The following ANKIB1 variants were observed in gnomAD, a reference collection of about 807,000 sequenced individuals.
The protein encoded by ANKIB1 is ankyrin repeat and IBR domain containing 1.
ANKIB1 carries 43 observed loss-of-function variants against 122.1 expected under a neutral mutation model. That is an observed-to-expected ratio of 0.35 (90% confidence interval 0.28 to 0.45). ANKIB1 has a LOEUF of 0.45. ANKIB1 is among the 20% of genes least tolerant of loss of function. The pLI, the probability that ANKIB1 is intolerant of heterozygous loss-of-function variation, is 1.00. For synonymous variants in ANKIB1, 390 were observed against 442.0 expected (o/e 0.88, Z 1.48); for missense variants, 992 against 1,329.5 (o/e 0.75, Z 3.95).
At chr7:92,330,455 G>A (rs922324695) in intron 5 of ANKIB1, among the ~76,000 whole-genome samples, 5 of 151,580 alleles carry the variant, frequency 3.3e-5, no homozygotes, top group African/African-American at 1.2e-4. Flanking sequence ...ATTTTTTATT[G>A]CCATGTTTAT....
At chr7:92,361,314 C>T (rs1028209800) in intron 9 of ANKIB1, among the ~76,000 whole-genome samples, 1 of 152,008 alleles carries the variant, frequency 6.6e-6, no homozygotes, top group Non-Finnish European at 1.5e-5. Context: ...TTCCCAAATT[C>T]CAATAAAAGT....
intron 10 of ANKIB1, among the ~76,000 whole-genome samples, chr7:92,370,039 G>A (rs768068430): frequency 6.6e-6 from 1 of 152,170 alleles, no homozygotes; most frequent in East Asian, 1.9e-4. Context: ...GGGATGGAGG[G>A]TGAGAGGAGC....
intron 1 of ANKIB1, among the ~76,000 whole-genome samples, chr7:92,260,150 G>C (rs1315965018): frequency 1.3e-5 from 2 of 152,010 alleles, no homozygotes; most frequent in Non-Finnish European, 2.9e-5. Flanking sequence ...AAAAGGTAGT[G>C]ATTTACAGTG....
chr7:92,246,970 T>A (rs1411605262), intron 1 of ANKIB1, among the ~76,000 whole-genome samples: 1 of 152,200 alleles, frequency 6.6e-6, no homozygotes, highest in Non-Finnish European at 1.5e-5. Context: ...AGTGAACCTT[T>A]ATTTTTGCAG....
chr7:92,321,465 T>G (rs890691285), intron 4 of ANKIB1, among the ~76,000 whole-genome samples: 1 of 152,196 alleles, frequency 6.6e-6, no homozygotes, highest in Non-Finnish European at 1.5e-5. Flanking sequence ...TCTCTCCTAT[T>G]AGACTGTCAA....
chr7:92,361,967 G>T (rs1585126082), intron 9 of ANKIB1, among the ~76,000 whole-genome samples: 1 of 151,964 alleles, frequency 6.6e-6, no homozygotes, highest in African/African-American at 2.4e-5. Context: ...GTGCCACCAC[G>T]CCCGACTAAT....
chr7:92,306,333 G>A (rs1450963236), intron 2 of ANKIB1, among the ~76,000 whole-genome samples: 1 of 152,022 alleles, frequency 6.6e-6, no homozygotes, highest in South Asian at 2.1e-4. Flanking sequence ...TACTAATCCT[G>A]TGACTCATTT....
At chr7:92,311,476 CT>C (rs1222363943) in intron 3 of ANKIB1, among the ~76,000 whole-genome samples, 1 of 152,028 alleles carries the variant, frequency 6.6e-6, no homozygotes. Context: ...AAGAGATTAT[CT>C]TTTTTCCCAT....
chr7:92,392,430 CAG>C (rs1424519834), intron 17 of ANKIB1, 138 bp downstream of exon 17: 41 of 648,284 alleles, frequency 6.3e-5, no homozygotes, highest in Non-Finnish European at 9.1e-5. Flanking sequence ...AATGCCTTGA[CAG>C]AGCCTACATT....
intron 3 of ANKIB1, among the ~76,000 whole-genome samples, chr7:92,309,942 A>AAAAAAAAAAAAAAATATAT (rs1335765681): frequency 1.1e-5 from 1 of 91,818 alleles, no homozygotes; most frequent in South Asian, 3.8e-4. Context: ...AAAAAAAAAA[A>AAAAAAAAAAAAAAATATAT]ATATATATAT....
intron 10 of ANKIB1, among the ~76,000 whole-genome samples, chr7:92,364,865 C>T (rs73713704): frequency 0.011 from 1,746 of 152,086 alleles, 34 homozygotes; most frequent in African/African-American, 0.04. Flanking sequence ...TAGTTTGGGT[C>T]GGAGGGTAAA....
chr7:92,395,838 C>T (rs749284443), intron 17 of ANKIB1: 2 of 154,184 alleles, frequency 1.3e-5, no homozygotes, highest in Non-Finnish European at 2.9e-5. Context: ...AGCACCCACC[C>T]CTGGTCACGT....
chr7:92,284,690 T>G (rs1802081324), intron 1 of ANKIB1, among the ~76,000 whole-genome samples: 1 of 152,224 alleles, frequency 6.6e-6, no homozygotes, highest in African/African-American at 2.4e-5. Flanking sequence ...CCTTCTTTCT[T>G]TCTTTTCTTT....
At chr7:92,340,344 T>C (rs1217213029) in intron 5 of ANKIB1, among the ~76,000 whole-genome samples, 2 of 152,192 alleles carry the variant, frequency 1.3e-5, no homozygotes, top group African/African-American at 2.4e-5. Context: ...GCCACTGTAA[T>C]TCAGTCAGCA....
chr7:92,400,797 G>T lies in ANKIB1; in HGVS notation c.*1848G>T, dbSNP rs1353061459. The T allele has an allele frequency of 6.6e-6, 1 of 152,106 alleles. No individual in the cohort carries two copies. The highest frequency in any genetic ancestry group is 1.5e-5 in the Non-Finnish European group (1 of 68,010). 9.4% of individuals were successfully genotyped at this position (152,106 alleles called of 1,614,324 possible). ...TCAATCCCTATTAAATTAGTGGGGGGAATATTAACTTTATCTACAGTGTAT... is the reference window on the plus strand; with the variant it reads ...TCAATCCCTATTAAATTAGTGGGGGTAATATTAACTTTATCTACAGTGTAT... On this transcript the variant is annotated 3_prime_UTR_variant, in exon 20 of 20. Transcript: ENST00000265742.
chr7:92,270,579 A>T (rs1801764931), intron 1 of ANKIB1, among the ~76,000 whole-genome samples: 2 of 152,192 alleles, frequency 1.3e-5, no homozygotes, highest in Non-Finnish European at 2.9e-5. Context: ...GAATTTTAAC[A>T]CATGTATAGA....
At chr7:92,296,625 C>T (rs200170568) in intron 2 of ANKIB1, among the ~76,000 whole-genome samples, 5 of 152,238 alleles carry the variant, frequency 3.3e-5, no homozygotes, top group South Asian at 2.1e-4. Context: ...GTTTGCCTCA[C>T]GTATTTGCTA....
chr7:92,374,499 T>G (rs757503375), intron 11 of ANKIB1, among the ~76,000 whole-genome samples: 1 of 151,812 alleles, frequency 6.6e-6, no homozygotes, highest in East Asian at 1.9e-4. Flanking sequence ...AGAAAGAAAT[T>G]AATAGTAAAG....
chr7:92,292,473 T>A (rs1002899077), intron 1 of ANKIB1, among the ~76,000 whole-genome samples: 32 of 152,210 alleles, frequency 2.1e-4, no homozygotes, highest in African/African-American at 7.5e-4. Flanking sequence ...ATTATTTTTC[T>A]TATAGAATAT....
Sources: gnomAD v4.1 joint callset for allele counts (sites outside exome capture counted in the v4.1 genomes callset) on GRCh38, gnomAD v4.1.1 for gene constraint, MANE v1.5 for transcripts, NCBI Gene and HGNC (gene_info 2026-07-23, HGNC 2026-07-21) for gene names.